The following IL16 variants were observed in gnomAD, a reference collection of about 807,000 sequenced individuals.
IL16 encodes interleukin 16.
A neutral mutation model predicts 110.1 loss-of-function variants in IL16; 67 were observed. The observed-to-expected ratio is 0.61, with a 90% CI of 0.50 to 0.75. The LOEUF (loss-of-function observed/expected upper bound fraction) is 0.75. IL16 is among the 30% of genes least tolerant of loss of function. The probability of loss-of-function intolerance (pLI) is 0.00; values close to 1 mark genes in which losing one functional copy is unlikely to be tolerated. For missense variants in IL16, 1,545 were observed against 1,655.0 expected, an observed-to-expected ratio of 0.93 and a Z score of 1.15; for synonymous variants, 689 against 662.9, an observed-to-expected ratio of 1.04 and a Z score of -0.61.
chr15:81,272,107 G>A (rs1456429172), intron 5 of IL16, among the ~76,000 whole-genome samples: 1 of 152,226 alleles, frequency 6.6e-6, no homozygotes, highest in Non-Finnish European at 1.5e-5. Context: ...TGCTTCTTGA[G>A]CACCTGCCTG....
chr15:81,307,314 C>T (rs991513137), intron 18 of IL16, among the ~76,000 whole-genome samples: 1 of 152,138 alleles, frequency 6.6e-6, no homozygotes, highest in Non-Finnish European at 1.5e-5. Context: ...CCCTTCTGGG[C>T]CTGAGGCTCT....
At chr15:81,230,499 G>A (rs928133384) in intron 2 of IL16, among the ~76,000 whole-genome samples, 1 of 152,154 alleles carries the variant, frequency 6.6e-6, no homozygotes, top group Non-Finnish European at 1.5e-5. Flanking sequence ...AAATAGATTT[G>A]ATATTATACC....
intron 1 of IL16, among the ~76,000 whole-genome samples, chr15:81,200,701 G>GT (rs1895778290): frequency 1.3e-5 from 2 of 152,140 alleles, no homozygotes; most frequent in African/African-American, 4.8e-5. Flanking sequence ...TTCATAAATA[G>GT]TCCTGTAGAA....
At chr15:81,204,240 T>G (rs1422771380) in intron 1 of IL16, among the ~76,000 whole-genome samples, 2 of 152,054 alleles carry the variant, frequency 1.3e-5, no homozygotes, top group Non-Finnish European at 2.9e-5. Flanking sequence ...GATGGGGTTT[T>G]CTAGATATAC....
At chr15:81,306,231 C>G in intron 17 of IL16, 65 bp downstream of exon 17, 1 of 1,566,330 alleles carries the variant, frequency 6.4e-7, no homozygotes, top group Non-Finnish European at 8.7e-7. Flanking sequence ...TGGGGCCAGA[C>G]CTGATGGGGC....
chr15:81,278,075 C>A (rs1898996581), intron 6 of IL16, among the ~76,000 whole-genome samples: 1 of 150,010 alleles, frequency 6.7e-6, no homozygotes, highest in Non-Finnish European at 1.5e-5. Flanking sequence ...TTTATTTTTA[C>A]CATATGACTT....
rs1169436874 is a variant in IL16 at position 81,292,642 on chromosome 15, G to A, written c.1507G>A (p.Ala503Thr). 2.5e-6 allele frequency: 4 copies of A among 1,613,522 alleles called. No homozygotes were observed. The highest frequency in any genetic ancestry group is 1.7e-4 in the Middle Eastern group (1 of 6,058). The change falls in exon 12 of 19, where the codon GCT becomes ACT. Residue 503 changes from alanine to threonine, a missense_variant. This residue lies in a region of IL16 where 1,185 missense variants were observed against 1,238.8 expected (regional missense o/e 0.96). Transcript: ENST00000683961. ...GAACTCAGCACCCCCGCATCGCAGG[G>A]CTCAGAAGGTCATGATCCGCTCCAG... ...EKNSAPPHRR[A>T]QKVMIRSSSD...
intron 2 of IL16, among the ~76,000 whole-genome samples, chr15:81,259,292 C>T (rs1243144216): frequency 6.6e-6 from 1 of 152,212 alleles, no homozygotes; most frequent in Non-Finnish European, 1.5e-5. Context: ...CGATCTTTCT[C>T]TCTAAAACAT....
rs113072965 is a variant in IL16, at chr15:81,291,460, G to T, written c.1420+920G>T. Among the ~76,000 whole-genome samples the T allele has an allele frequency of 5.1e-4, 77 of 151,924 alleles. 2 individuals are homozygous for T. Among genetic ancestry groups the T allele is most frequent in the African/African-American group, 1.7e-3 (72 of 41,392 alleles). On this transcript the variant is annotated intron_variant, in intron 11 of 18. Coordinates refer to ENST00000683961, the MANE Select transcript of IL16 (RefSeq NM_172217.5). ...ATTTCATGATCAGGAAAAAAAAAAA[G>T]AAAACTTTTTATTTAAAGAGAAAGT...
intron 5 of IL16, among the ~76,000 whole-genome samples, 199 bp from the exon 6 acceptor site, chr15:81,272,891 G>A (rs1898704449): frequency 6.6e-6 from 1 of 151,164 alleles, no homozygotes; most frequent in South Asian, 2.1e-4. Context: ...CCTTCATGCC[G>A]CTGCTCTTCC....
At position 81,265,688 on chromosome 15, in the gene IL16, G is replaced by T; in HGVS notation, c.451G>T (p.Asp151Tyr). 1 of 1,613,990 alleles carries T rather than the reference G, an allele frequency of 6.2e-7. No homozygotes were observed. Among genetic ancestry groups the T allele is most frequent in the Non-Finnish European group, 8.5e-7 (1 of 1,179,916 alleles). ...SVNPYCTREIDFPMTKKSAAP... is the reference protein window; with the variant it reads ...SVNPYCTREIYFPMTKKSAAP... ...TAATCCCTATTGCACAAGAGAAATTGATTTTCCAATGACCAAGAAATCTGC... is the reference window on the plus strand; with the variant it reads ...TAATCCCTATTGCACAAGAGAAATTTATTTTCCAATGACCAAGAAATCTGC... Residue 151 changes from aspartate to tyrosine, a missense_variant, in exon 4 of 19, where the codon GAT becomes TAT. Physicochemically the swap from Asp to Tyr is radical, Grantham distance 160 (BLOSUM62 -3). Transcript: ENST00000683961.
At position 81,278,805 on chromosome 15, in the gene IL16, C is replaced by G. The variant is rs184780414; in HGVS notation, c.791-12C>G. The G allele has an allele frequency of 1.2e-4, 188 of 1,582,032 alleles. No individual in the cohort carries two copies. In the African/African-American group the frequency reaches 2.3e-3, roughly 19 times the overall value. On this transcript the variant is annotated splice_polypyrimidine_tract_variant and intron_variant, in intron 6 of 18. Transcript: ENST00000683961. ...AACACTCTTCTTAGCTACACTTTCTCTCTCTAAACAGGTGATGAAATTCTG... is the reference window on the plus strand; with the variant it reads ...AACACTCTTCTTAGCTACACTTTCTGTCTCTAAACAGGTGATGAAATTCTG...
chr15:81,226,236 C>G (rs527530321), intron 2 of IL16, among the ~76,000 whole-genome samples: 11 of 152,110 alleles, frequency 7.2e-5, no homozygotes, highest in Admixed American at 7.2e-4. Flanking sequence ...CTGAAGGTGG[C>G]AAGTGGAGCC....
chr15:81,259,180 T>C lies in IL16; in HGVS notation c.313-592T>C, dbSNP rs114681922. On this transcript the variant is annotated intron_variant, in intron 2 of 18. Coordinates refer to ENST00000683961, the MANE Select transcript of IL16 (RefSeq NM_172217.5). Reference sequence around the variant, plus strand: ...AAATCATAATACCCTTAATAATGCATGGATAGTTCAATATTAAGAAATCCA... The same window carrying C: ...AAATCATAATACCCTTAATAATGCACGGATAGTTCAATATTAAGAAATCCA... Among the ~76,000 whole-genome samples the C allele has an allele frequency of 7.7e-3, 1,174 of 152,328 alleles. 19 individuals are homozygous for C. The highest frequency in any genetic ancestry group is 0.026 in the African/African-American group (1,096 of 41,570).
At chr15:81,249,364 G>A (rs1004829836) in intron 2 of IL16, among the ~76,000 whole-genome samples, 2 of 151,392 alleles carry the variant, frequency 1.3e-5, no homozygotes, top group Non-Finnish European at 2.9e-5. Context: ...AAATATTTTT[G>A]GAATTTCTTT....
chr15:81,206,214 A>G (rs149777487), intron 1 of IL16, among the ~76,000 whole-genome samples: 4 of 151,436 alleles, frequency 2.6e-5, no homozygotes, highest in Non-Finnish European at 5.9e-5. Context: ...TCGTCGTACA[A>G]ACGTTACATA....
At chr15:81,291,589 C>A (rs1050644265) in intron 11 of IL16, among the ~76,000 whole-genome samples, 1 of 152,168 alleles carries the variant, frequency 6.6e-6, no homozygotes, top group Admixed American at 6.5e-5. Flanking sequence ...AGATTTCAAT[C>A]CTCTCCCACC....
chr15:81,285,859 C>G (rs4477649), intron 10 of IL16, 29 bp downstream of exon 10: 1 of 1,611,280 alleles, frequency 6.2e-7, no homozygotes, highest in African/African-American at 1.3e-5. Flanking sequence ...TCCTCTTCTT[C>G]TCAGGCTCAC....
At chr15:81,244,342 C>T (rs8030065) in intron 2 of IL16, among the ~76,000 whole-genome samples, 37,117 of 151,912 alleles carry the variant, frequency 0.24, 5,334 homozygotes, top group African/African-American at 0.4. Context: ...CCTTCTGTTT[C>T]GTGAATGTGC....
Sources: allele counts gnomAD v4.1 joint callset (sites outside exome capture counted in the v4.1 genomes callset), GRCh38; gene constraint gnomAD v4.1.1; regional missense constraint gnomAD v4.1.1; transcripts MANE v1.5; gene names NCBI Gene and HGNC (gene_info 2026-07-23, HGNC 2026-07-21).